Variants in MAP3K2 observed in about 807,000 individuals in gnomAD.
MAP3K2 encodes the protein mitogen-activated protein kinase kinase kinase 2.
MAP3K2 carries 24 observed loss-of-function variants against 80.3 expected under a neutral mutation model. The observed-to-expected ratio is 0.30, with a 90% CI of 0.22 to 0.42. MAP3K2 has a LOEUF of 0.42. Ranked by LOEUF, MAP3K2 falls within the 10% of genes least tolerant of loss-of-function variation. MAP3K2 has a pLI of 1.00. For missense variants in MAP3K2, 608 were observed against 750.1 expected (o/e 0.81, Z 2.21); for synonymous variants, 244 against 253.7 (o/e 0.96, Z 0.36).
chr2:127,366,693 CA>C (rs1204675205), intron 1 of MAP3K2, among the ~76,000 whole-genome samples: 2 of 151,896 alleles, frequency 1.3e-5, no homozygotes, highest in African/African-American at 4.8e-5. Context: ...TTTCCTTCTC[CA>C]AAAAGATCTT....
At position 127,335,875 on chromosome 2, in the gene MAP3K2, T is replaced by A; in HGVS notation, c.259A>T (p.Asn87Tyr). Residue 87 changes from asparagine (N) to tyrosine (Y), a missense_variant, in exon 5 of 17, where the codon AAC becomes TAC. This residue lies in a region of MAP3K2 where 467 missense variants were observed against 521.9 expected (regional missense o/e 0.89). Transcript: ENST00000682094. ...GTTAAACTGTACATGTTTACCTCGT[T>A]ATTGGTATAATGTAGATCCATAGAC... ...GQSMDLHYTN[N>Y]ELVIPLTTQD... 1 of 1,537,624 alleles carries A rather than the reference T, an allele frequency of 6.5e-7. No homozygotes were observed. Among genetic ancestry groups the A allele is most frequent in the Non-Finnish European group, 8.9e-7 (1 of 1,128,428 alleles).
intron 1 of MAP3K2, among the ~76,000 whole-genome samples, chr2:127,358,546 A>G (rs2104869384): frequency 6.6e-6 from 1 of 152,244 alleles, no homozygotes; most frequent in East Asian, 1.9e-4. Flanking sequence ...GTGAGCAGAT[A>G]AAGTGTGGCA....
intron 2 of MAP3K2, 136 bp downstream of exon 2, chr2:127,342,990 T>C (rs1686527103): frequency 1.6e-6 from 1 of 634,664 alleles, no homozygotes; most frequent in South Asian, 2.5e-5. Flanking sequence ...TAAGTAAATA[T>C]AAAACATTTC....
At chr2:127,317,187 G>A (rs1685924860) in intron 14 of MAP3K2, among the ~76,000 whole-genome samples, 1 of 151,974 alleles carries the variant, frequency 6.6e-6, no homozygotes, top group African/African-American at 2.4e-5. Context: ...GGAGGCTAAG[G>A]CAGAAGAATC....
intron 7 of MAP3K2, among the ~76,000 whole-genome samples, chr2:127,327,459 A>G (rs1454430052): frequency 6.6e-6 from 1 of 152,160 alleles, no homozygotes; most frequent in Non-Finnish European, 1.5e-5. Flanking sequence ...TTTAGGCTTC[A>G]TAACAACTGT....
intron 2 of MAP3K2, among the ~76,000 whole-genome samples, chr2:127,342,241 T>C (rs1375833429): frequency 6.6e-6 from 1 of 152,178 alleles, no homozygotes; most frequent in African/African-American, 2.4e-5. Context: ...GGGGCACTGC[T>C]ACTCATGACT....
chr2:127,308,961 C>T (rs1370801265), intron 15 of MAP3K2, among the ~76,000 whole-genome samples, 199 bp from the exon 16 acceptor site: 1 of 152,132 alleles, frequency 6.6e-6, no homozygotes, highest in African/African-American at 2.4e-5. Flanking sequence ...AAGAACACTA[C>T]ATTTTTAGGT....
rs1282296387 is a variant in MAP3K2 at position 127,301,947 on chromosome 2, C to G, written c.*5632G>C. 1 of 152,126 alleles carries G rather than the reference C, an allele frequency of 6.6e-6. No individual in the cohort carries two copies. The highest frequency in any genetic ancestry group is 1.5e-5 in the Non-Finnish European group (1 of 68,028). The allele number at this position is 152,126 out of a possible 1,614,324, so 9.4% of individuals were successfully genotyped here. On this transcript the variant is annotated 3_prime_UTR_variant, in exon 17 of 17. Coordinates refer to ENST00000682094, the MANE Select transcript of MAP3K2 (RefSeq NM_001371910.2). ...TCCCACACCTACCATGGCATCCTGT[C>G]CAAACCATGGCAGAAGTCAAAGCCA... is the stretch of plus-strand genomic sequence containing the variant.
intron 15 of MAP3K2, among the ~76,000 whole-genome samples, chr2:127,313,579 C>T (rs1160873426): frequency 2.6e-5 from 4 of 152,246 alleles, no homozygotes; most frequent in Middle Eastern, 3.4e-3. Context: ...TAAGAGTCCC[C>T]AGCAAGACCA....
At chr2:127,357,008 G>A (rs1264551656) in intron 1 of MAP3K2, among the ~76,000 whole-genome samples, 1 of 152,012 alleles carries the variant, frequency 6.6e-6, no homozygotes, top group East Asian at 1.9e-4. Flanking sequence ...AATCTACAAG[G>A]AATTCAGACA....
At chr2:127,341,530 G>GTTTTTTTTTTTTT (rs1341901292) in intron 2 of MAP3K2, among the ~76,000 whole-genome samples, 7 of 91,120 alleles carry the variant, frequency 7.7e-5, no homozygotes, top group South Asian at 3.7e-4. Flanking sequence ...TTTTTTTGTT[G>GTTTTTTTTTTTTT]TTTTTTTTTT....
chr2:127,325,880 T>C (rs1686127512), intron 8 of MAP3K2, 73 bp from the exon 9 acceptor site: 1 of 907,960 alleles, frequency 1.1e-6, no homozygotes, highest in African/African-American at 1.7e-5. Context: ...AAACCTGCCT[T>C]AATTAGACAT....
intron 9 of MAP3K2, among the ~76,000 whole-genome samples, chr2:127,325,414 C>A (rs1187055281): frequency 6.6e-6 from 1 of 152,174 alleles, no homozygotes; most frequent in Non-Finnish European, 1.5e-5. Flanking sequence ...CATGGTGGCT[C>A]ATGTGTGTAA....
intron 5 of MAP3K2, among the ~76,000 whole-genome samples, chr2:127,334,998 G>C (rs1558980153): frequency 6.6e-6 from 1 of 152,052 alleles, no homozygotes; most frequent in Non-Finnish European, 1.5e-5. Context: ...TTGTTCTCTT[G>C]ACCTTGTGAT....
chr2:127,322,174 T>G lies in MAP3K2; in HGVS notation c.917A>C (p.His306Pro). 2 of 1,614,010 alleles carry G rather than the reference T, an allele frequency of 1.2e-6. No homozygotes were observed. Among genetic ancestry groups the G allele is most frequent in the Non-Finnish European group, 8.5e-7 (1 of 1,179,866 alleles). The change falls in exon 12 of 17, where the codon CAT becomes CCT. Residue 306 changes from histidine to proline, a missense_variant. By Grantham distance (77) the His-to-Pro change is moderately conservative. Around this residue, in one of 4 missense-constraint regions of MAP3K2, gnomAD observed 467 missense variants for 521.9 expected, o/e 0.89. Coordinates refer to ENST00000682094, the MANE Select transcript of MAP3K2 (RefSeq NM_001371910.2). The surrounding 1 kb of genome is among the most constrained non-coding windows in gnomAD (Gnocchi z 4.2). ...GCTTCCACTACTAGTGCTTAAGGAATGATCAGTAGGACTGAAACTCACAGG... is the reference window on the plus strand; with the variant it reads ...GCTTCCACTACTAGTGCTTAAGGAAGGATCAGTAGGACTGAAACTCACAGG... ...RSPVSFSPTD[H>P]SLSTSSGSSI...
At chr2:127,351,420 T>C (rs1686689644) in intron 1 of MAP3K2, among the ~76,000 whole-genome samples, 1 of 152,146 alleles carries the variant, frequency 6.6e-6, no homozygotes, top group Non-Finnish European at 1.5e-5. Context: ...CTGGAACTTA[T>C]TTCAGAAGAA....
intron 13 of MAP3K2, 63 bp from the exon 14 acceptor site, chr2:127,317,823 T>C (rs77307198): frequency 0.075 from 108,087 of 1,438,552 alleles, 4,558 homozygotes; most frequent in Non-Finnish European, 0.087. Flanking sequence ...AATTCTAACT[T>C]CATGGACCAT....
At chr2:127,320,610 T>C (rs1026047890) in intron 12 of MAP3K2, among the ~76,000 whole-genome samples, 2 of 152,028 alleles carry the variant, frequency 1.3e-5, no homozygotes, top group Non-Finnish European at 2.9e-5. Context: ...ACTATAAATA[T>C]AATAAACTGA....
chr2:127,325,321 A>C (rs973402824), intron 9 of MAP3K2, among the ~76,000 whole-genome samples: 23 of 152,190 alleles, frequency 1.5e-4, no homozygotes, highest in Non-Finnish European at 2.9e-4. Context: ...AATGTAGCAC[A>C]AAAAAGTTAC....
Sources: gnomAD v4.1 joint callset for allele counts (sites outside exome capture counted in the v4.1 genomes callset) on GRCh38, gnomAD v4.1.1 for gene constraint, gnomAD v4.1.1 regional missense constraint, Gnocchi (gnomAD v3.1) non-coding constraint, MANE v1.5 for transcripts, NCBI Gene and HGNC (gene_info 2026-07-23, HGNC 2026-07-21) for gene names.